The following STAT4 variants were observed in gnomAD, a reference collection of about 807,000 sequenced individuals.
STAT4 encodes the protein signal transducer and activator of transcription 4.
STAT4 carries 42 observed loss-of-function variants against 110.5 expected under a neutral mutation model. That is an observed-to-expected ratio of 0.38 (90% CI 0.30 to 0.49). STAT4 has a LOEUF of 0.49. Among genes scored for constraint, STAT4 ranks in the 20% least tolerant of loss-of-function variants. The pLI, the probability that STAT4 is intolerant of heterozygous loss-of-function variation, is 0.95. For missense variants in STAT4, 632 were observed against 887.9 expected, an observed-to-expected ratio of 0.71 and a Z score of 3.66; for synonymous variants, 284 against 302.2, an observed-to-expected ratio of 0.94 and a Z score of 0.63.
intron 5 of STAT4, among the ~76,000 whole-genome samples, chr2:191,072,085 T>C (rs937772354): frequency 1.3e-5 from 2 of 152,072 alleles, no homozygotes; most frequent in Admixed American, 1.3e-4. Flanking sequence ...CTCAAAACAG[T>C]TGGGGATCCA....
chr2:191,136,223 C>T (rs558138158), intron 3 of STAT4, among the ~76,000 whole-genome samples: 60 of 152,158 alleles, frequency 3.9e-4, no homozygotes, highest in Middle Eastern at 6.8e-3. Context: ...ACAAATGAGG[C>T]ATAGAAGGAA....
rs765900216 is a variant in STAT4, at chr2:191,064,760, T to C, written c.782+47A>G. On this transcript the variant is annotated intron_variant, in intron 8 of 23. Transcript: ENST00000392320. Reference sequence around the variant, plus strand: ...CTCTGGCTGAGTGACACTGAAGTTTTGTGTTTCCTGTGGTTTTCACTAGAA... The same window carrying C: ...CTCTGGCTGAGTGACACTGAAGTTTCGTGTTTCCTGTGGTTTTCACTAGAA... The C allele has an allele frequency of 3.2e-6, 5 of 1,582,764 alleles. No individual in the cohort carries two copies. In the African/African-American group the frequency reaches 6.8e-5, roughly 22 times the overall value.
Position 191,091,640 on chromosome 2 carries a change from A to G in STAT4, c.274-15315T>C, listed in dbSNP as rs1301933074. The stretch of plus-strand genomic sequence containing the variant: ...TCTGACAACAGCTATGATAGTCACA[A>G]AGGCTAATTTCTTACTGCTTGAAAT... On this transcript the variant is annotated intron_variant, in intron 3 of 23. Coordinates refer to ENST00000392320, the MANE Select transcript of STAT4 (RefSeq NM_003151.4). This position sits in a 1 kb window ranked among gnomAD's most constrained non-coding sequence, Gnocchi z 5.4. Among the ~76,000 whole-genome samples, 1 of 152,208 alleles carries G rather than the reference A, an allele frequency of 6.6e-6. No individual in the cohort carries two copies. Among genetic ancestry groups the G allele is most frequent in the Non-Finnish European group, 1.5e-5 (1 of 68,038 alleles).
intron 3 of STAT4, chr2:191,121,914 A>G (rs1698745732): frequency 6.6e-6 from 1 of 152,148 alleles, no homozygotes. Context: ...GTACCCTAGA[A>G]CTTAACGTAT....
At chr2:191,088,069 C>G (rs4241276) in intron 3 of STAT4, among the ~76,000 whole-genome samples, 150,281 of 152,224 alleles carry the variant, frequency 0.99, 74,211 homozygotes, top group Middle Eastern at 1. Context: ...GAAATAAATT[C>G]TATACAAATA....
chr2:191,031,622 A>G lies in STAT4; in HGVS notation c.2045-106T>C. On this transcript the variant is annotated intron_variant, in intron 21 of 23. Coordinates refer to ENST00000392320, the MANE Select transcript of STAT4 (RefSeq NM_003151.4). This position sits in a 1 kb window ranked among gnomAD's most constrained non-coding sequence, Gnocchi z 4.8. Reference sequence around the variant, plus strand: ...ATATTAACAATGATAAGAGGAAGAGAGATAACGCAGTTGTTCGGTGATACA... The same window carrying G: ...ATATTAACAATGATAAGAGGAAGAGGGATAACGCAGTTGTTCGGTGATACA... 1.1e-6 allele frequency: 1 copy of G among 881,642 alleles called. No homozygotes were observed. The highest frequency in any genetic ancestry group is 1.6e-5 in the South Asian group (1 of 61,702). The allele number at this position is 881,642 out of a possible 1,614,324, so 54.6% of individuals were successfully genotyped here.
intron 14 of STAT4, 72 bp downstream of exon 14, chr2:191,054,418 A>C: frequency 3.1e-6 from 4 of 1,272,860 alleles, no homozygotes; most frequent in Non-Finnish European, 4.4e-6. Context: ...CAAGCAGTTT[A>C]AAAGCTTTGT....
intron 3 of STAT4, among the ~76,000 whole-genome samples, chr2:191,119,251 G>T (rs1215446611): frequency 6.6e-6 from 1 of 152,192 alleles, no homozygotes; most frequent in Non-Finnish European, 1.5e-5. Context: ...CCCGAAAGAT[G>T]GGACACCCTT....
intron 3 of STAT4, among the ~76,000 whole-genome samples, chr2:191,092,059 T>G (rs1181920051): frequency 6.6e-6 from 1 of 152,222 alleles, no homozygotes; most frequent in Non-Finnish European, 1.5e-5. Context: ...TTTTAAAATC[T>G]TGCTTGTATA....
At chr2:191,136,225 T>C (rs756456670) in intron 3 of STAT4, among the ~76,000 whole-genome samples, 1 of 152,126 alleles carries the variant, frequency 6.6e-6, no homozygotes, top group Non-Finnish European at 1.5e-5. Context: ...AAATGAGGCA[T>C]AGAAGGAATA....
chr2:191,030,713 A>G lies in STAT4; in HGVS notation c.2220+259T>C. 2.6e-6 allele frequency: 1 copy of G among 382,638 alleles called. No individual in the cohort carries two copies. The highest frequency in any genetic ancestry group is 2.6e-5 in the South Asian group (1 of 37,802). 23.7% of individuals were successfully genotyped at this position (382,638 alleles called of 1,614,324 possible). ...GCGATAGTGTGCTTGAGTAGGGTATAGGAATATTTTGCCCTCTGGTGGTTT... is the reference window on the plus strand; with the variant it reads ...GCGATAGTGTGCTTGAGTAGGGTATGGGAATATTTTGCCCTCTGGTGGTTT... On this transcript the variant is annotated intron_variant, in intron 23 of 23. Coordinates refer to ENST00000392320, the MANE Select transcript of STAT4 (RefSeq NM_003151.4). This position sits in a 1 kb window ranked among gnomAD's most constrained non-coding sequence, Gnocchi z 4.4.
chr2:191,133,962 C>G (rs958155727), intron 3 of STAT4, among the ~76,000 whole-genome samples: 2 of 152,158 alleles, frequency 1.3e-5, no homozygotes, highest in African/African-American at 4.8e-5. Flanking sequence ...CACAAAGGAA[C>G]CTTAAAAACA....
intron 13 of STAT4, 120 bp downstream of exon 13, chr2:191,057,898 G>A (rs969079069): frequency 5.5e-5 from 51 of 927,870 alleles, no homozygotes; most frequent in Middle Eastern, 2.8e-4. Context: ...GTGCCCGGCC[G>A]GTTCCTAATT....
chr2:191,033,219 C>A lies in STAT4; in HGVS notation c.1853-70G>T. The A allele has an allele frequency of 6.8e-7, 1 of 1,479,418 alleles. No individual in the cohort carries two copies. The highest frequency in any genetic ancestry group is 9.2e-7 in the Non-Finnish European group (1 of 1,088,538). 91.6% of individuals were successfully genotyped at this position (1,479,418 alleles called of 1,614,324 possible). On this transcript the variant is annotated intron_variant, in intron 20 of 23. Transcript: ENST00000392320. The surrounding 1 kb of genome is among the most constrained non-coding windows in gnomAD (Gnocchi z 6.9). ...TTCCTTGTGACCATTTCTTCCCTGC[C>A]CACATTATCTTCATGCCACTGGAGT...
chr2:191,040,082 T>G (rs991912997), intron 15 of STAT4, among the ~76,000 whole-genome samples: 3 of 152,234 alleles, frequency 2.0e-5, no homozygotes, highest in Non-Finnish European at 4.4e-5. Flanking sequence ...AAGGCAGAAT[T>G]CTAAAACAAT....
At position 191,083,911 on chromosome 2, in the gene STAT4, G is replaced by A. The variant is rs12998748; in HGVS notation, c.274-7586C>T. Among the ~76,000 whole-genome samples, 2,326 of 152,198 alleles carry A rather than the reference G, an allele frequency of 0.015. 27 individuals are homozygous for A. Among genetic ancestry groups the A allele is most frequent in the Non-Finnish European group, 0.023 (1,544 of 67,992 alleles). ...ATTATTGCTAAAATAAAACAGCAAT[G>A]TCTTCAGAATTTAGACATTTGGCCT... On this transcript the variant is annotated intron_variant, in intron 3 of 23. Coordinates refer to ENST00000392320, the MANE Select transcript of STAT4 (RefSeq NM_003151.4). This position sits in a 1 kb window ranked among gnomAD's most constrained non-coding sequence, Gnocchi z 4.6.
chr2:191,078,346 ACTT>A (rs956054028), intron 3 of STAT4, among the ~76,000 whole-genome samples: 3 of 151,962 alleles, frequency 2.0e-5, no homozygotes, highest in African/African-American at 4.8e-5. Flanking sequence ...TCTTACTTGA[ACTT>A]CTTCTACCTT....
In STAT4 at chr2:191,107,185, G is replaced by A. The variant is rs1454981710; in HGVS notation, c.274-30860C>T. Among the ~76,000 whole-genome samples, 4 of 152,278 alleles carry A rather than the reference G, an allele frequency of 2.6e-5. No individual in the cohort carries two copies. Among genetic ancestry groups the A allele is most frequent in the Middle Eastern group, 6.8e-3 (2 of 294 alleles). On this transcript the variant is annotated intron_variant, in intron 3 of 23. Transcript: ENST00000392320. This position sits in a 1 kb window ranked among gnomAD's most constrained non-coding sequence, Gnocchi z 4.2. ...AAAGCTTCAGGGTTTGAGGTGTCTTGTTTTGTGAGGTCTTTGGTATGATAG... is the reference window on the plus strand; with the variant it reads ...AAAGCTTCAGGGTTTGAGGTGTCTTATTTTGTGAGGTCTTTGGTATGATAG...
At position 191,030,677 on chromosome 2, in the gene STAT4, T is replaced by G; in HGVS notation, c.2220+295A>C. The stretch of plus-strand genomic sequence containing the variant: ...GAGTGGTGGGGAGTGAGGGGGCCCA[T>G]GGTGCAAGCAGCGATAGTGTGCTTG... On this transcript the variant is annotated intron_variant, in intron 23 of 23. Transcript: ENST00000392320. This position sits in a 1 kb window ranked among gnomAD's most constrained non-coding sequence, Gnocchi z 4.4. The G allele has an allele frequency of 3.7e-6, 1 of 267,100 alleles. No homozygotes were observed. The allele number at this position is 267,100 out of a possible 1,614,324, so 16.5% of individuals were successfully genotyped here.
Sources: gnomAD v4.1 joint callset for allele counts (sites outside exome capture counted in the v4.1 genomes callset) on GRCh38, gnomAD v4.1.1 for gene constraint, Gnocchi (gnomAD v3.1) non-coding constraint, MANE v1.5 for transcripts, NCBI Gene and HGNC (gene_info 2026-07-23, HGNC 2026-07-21) for gene names.